The following COL21A1 variants were observed in gnomAD, a reference collection of about 807,000 sequenced individuals.
COL21A1 encodes the protein collagen type XXI alpha 1 chain, also known as collagen alpha-1(XXI) chain.
Under a neutral mutation model 137.9 loss-of-function variants are expected in COL21A1, and 149 were observed. That is an observed-to-expected ratio of 1.08 (90% CI 0.95 to 1.24). The LOEUF (loss-of-function observed/expected upper bound fraction) is 1.24, where lower values mean the gene tolerates loss of function less well. COL21A1 is among the 50% of genes most tolerant of loss of function. The pLI, the probability that COL21A1 is intolerant of heterozygous loss-of-function variation, is 0.00. For synonymous variants in COL21A1, 456 were observed against 391.5 expected (o/e 1.16, Z -1.95); for missense variants, 1,167 against 1,158.4 (o/e 1.01, Z -0.11).
intron 1 of COL21A1, among the ~76,000 whole-genome samples, chr6:56,261,063 A>T (rs992767507): frequency 1.4e-5 from 1 of 73,220 alleles, no homozygotes; most frequent in Non-Finnish European, 2.9e-5. Context: ...TTCACTTTTT[A>T]TAGAAAATAA....
At chr6:56,223,974 A>G (rs563772970) in intron 1 of COL21A1, among the ~76,000 whole-genome samples, 117 of 152,162 alleles carry the variant, frequency 7.7e-4, no homozygotes, top group Middle Eastern at 3.4e-3. Context: ...GCCTTGGGAG[A>G]CAGTGTCTCT....
chr6:56,356,548 C>T (rs1765835821), intron 1 of COL21A1, among the ~76,000 whole-genome samples: 1 of 152,154 alleles, frequency 6.6e-6, no homozygotes, highest in African/African-American at 2.4e-5. Flanking sequence ...TATGGAATAA[C>T]AACATGATTT....
intron 1 of COL21A1, among the ~76,000 whole-genome samples, chr6:56,281,068 C>T (rs1763776940): frequency 6.6e-6 from 1 of 152,106 alleles, no homozygotes; most frequent in Non-Finnish European, 1.5e-5. Flanking sequence ...AGTGTCCATC[C>T]TACTACACCA....
At chr6:56,213,974 A>G (rs2152308031) in intron 1 of COL21A1, among the ~76,000 whole-genome samples, 1 of 152,208 alleles carries the variant, frequency 6.6e-6, no homozygotes, top group African/African-American at 2.4e-5. Context: ...AACAAAAATA[A>G]CAAAAACACA....
At chr6:56,101,604 A>G (rs941304295) in intron 16 of COL21A1, 79 bp from the exon 17 acceptor site, 1 of 976,028 alleles carries the variant, frequency 1.0e-6, no homozygotes, top group Non-Finnish European at 1.6e-6. Flanking sequence ...ATAACATTAC[A>G]TATTAAAGAA....
intron 7 of COL21A1, among the ~76,000 whole-genome samples, chr6:56,165,113 C>A (rs1776474733): frequency 6.6e-6 from 1 of 152,042 alleles, no homozygotes; most frequent in African/African-American, 2.4e-5. Context: ...TTAAAAAATA[C>A]CTCCAGATGA....
At chr6:56,153,770 T>C (rs1265626605) in intron 10 of COL21A1, among the ~76,000 whole-genome samples, 4 of 152,126 alleles carry the variant, frequency 2.6e-5, no homozygotes, top group South Asian at 2.1e-4. Context: ...ACTTCCCTGG[T>C]TTTCCTCCCA....
At chr6:56,122,450 C>A (rs1369687523) in intron 16 of COL21A1, among the ~76,000 whole-genome samples, 1 of 151,950 alleles carries the variant, frequency 6.6e-6, no homozygotes, top group Non-Finnish European at 1.5e-5. Context: ...GTAGCTGGGA[C>A]TACAGGCGTC....
Position 56,070,897 on chromosome 6 carries a change from CA to C in COL21A1, c.1966-100del, listed in dbSNP as rs1766687534. The C allele has an allele frequency of 4.3e-6, 4 of 931,356 alleles. No individual in the cohort carries two copies. In the East Asian group the frequency reaches 1.2e-4, roughly 27 times the overall value. The allele number at this position is 931,356 out of a possible 1,614,324, so 57.7% of individuals were successfully genotyped here. ...GGGAATATATGTAAAATAACTTTTA[CA>C]TTTTTAACTTTCCGATTGTTTGATA... On this transcript the variant is annotated intron_variant, in intron 20 of 29. Coordinates refer to ENST00000244728, the MANE Select transcript of COL21A1 (RefSeq NM_030820.4).
At chr6:56,232,260 T>C (rs1401511438) in intron 1 of COL21A1, among the ~76,000 whole-genome samples, 1 of 151,860 alleles carries the variant, frequency 6.6e-6, no homozygotes, top group Non-Finnish European at 1.5e-5. Context: ...TCAAGAGAAC[T>C]AAAAATCATT....
At chr6:56,259,698 G>C (rs986388320) in intron 1 of COL21A1, among the ~76,000 whole-genome samples, 4 of 152,076 alleles carry the variant, frequency 2.6e-5, no homozygotes, top group African/African-American at 9.7e-5. Context: ...CTATCACTTG[G>C]GAGAGTTATG....
At chr6:56,142,945 G>A (rs1400611672) in intron 10 of COL21A1, among the ~76,000 whole-genome samples, 1 of 152,210 alleles carries the variant, frequency 6.6e-6, no homozygotes, top group African/African-American at 2.4e-5. Context: ...ATGGGTGTCT[G>A]CACTGGTCTT....
chr6:56,200,021 G>T (rs1337296123), intron 1 of COL21A1, among the ~76,000 whole-genome samples: 1 of 152,110 alleles, frequency 6.6e-6, no homozygotes. Flanking sequence ...GGTCAAAGAA[G>T]GCCTCTCTAA....
chr6:56,353,676 T>G (rs1394224493), intron 1 of COL21A1, among the ~76,000 whole-genome samples: 1 of 152,252 alleles, frequency 6.6e-6, no homozygotes, highest in African/African-American at 2.4e-5. Flanking sequence ...TGTTTCCATA[T>G]GGCTGTTTAG....
intron 1 of COL21A1, among the ~76,000 whole-genome samples, chr6:56,328,051 G>A (rs1765135678): frequency 6.6e-6 from 1 of 151,944 alleles, no homozygotes; most frequent in African/African-American, 2.4e-5. Flanking sequence ...CATACATTTG[G>A]GAGTTGGGTC....
Position 56,057,573 on chromosome 6 carries a change from G to T in COL21A1, c.*84C>A. 7.7e-7 allele frequency: 1 copy of T among 1,295,378 alleles called. No homozygotes were observed. The highest frequency in any genetic ancestry group is 1.1e-6 in the Non-Finnish European group (1 of 917,036). The allele number at this position is 1,295,378 out of a possible 1,614,324, so 80.2% of individuals were successfully genotyped here. On this transcript the variant is annotated 3_prime_UTR_variant, in exon 30 of 30. Transcript: ENST00000244728. ...CCGAGGTACTTAAGTTTCTTTTCAA[G>T]GGATTACTGTTGGTTATCTTCCTGA...
At position 56,371,186 on chromosome 6, in the gene COL21A1, G is replaced by A. The variant is rs559982262; in HGVS notation, c.-39+22785C>T. ...AAGAGAAGTTAAATGCCATCAAGTTGCTGTTTGAAAAGTTAAAAATGTATC... is the reference window on the plus strand; with the variant it reads ...AAGAGAAGTTAAATGCCATCAAGTTACTGTTTGAAAAGTTAAAAATGTATC... On this transcript the variant is annotated intron_variant, in intron 1 of 28. Transcript: ENST00000370819. Among the ~76,000 whole-genome samples, 8 of 152,276 alleles carry A rather than the reference G, an allele frequency of 5.3e-5. No individual in the cohort carries two copies. The South Asian group carries it at 8.3e-4, about 16-fold the overall frequency.
intron 20 of COL21A1, 149 bp downstream of exon 20, chr6:56,074,083 C>T (rs1002633668): frequency 3.7e-6 from 2 of 544,790 alleles, no homozygotes; most frequent in Non-Finnish European, 6.3e-6. Flanking sequence ...TGAGCCTTTC[C>T]AGATTTAATT....
chr6:56,316,600 G>A (rs925065426), intron 1 of COL21A1, among the ~76,000 whole-genome samples: 4 of 141,458 alleles, frequency 2.8e-5, no homozygotes, highest in East Asian at 2.3e-4. Flanking sequence ...TTGTGCCTCC[G>A]CCTCCCAAGT....
Sources: gnomAD v4.1 joint callset for allele counts (sites outside exome capture counted in the v4.1 genomes callset) on GRCh38, gnomAD v4.1.1 for gene constraint, MANE v1.5 for transcripts, NCBI Gene and HGNC (gene_info 2026-07-23, HGNC 2026-07-21) for gene names.